The following CYSTM1 variants were observed in gnomAD, a reference collection of about 807,000 sequenced individuals.
The protein encoded by CYSTM1 is cysteine rich transmembrane module containing 1.
CYSTM1 carries 4 observed loss-of-function variants against 13.1 expected under a neutral mutation model. The ratio of observed to expected loss-of-function variants is 0.31; its 90% CI spans 0.15 to 0.70. The LOEUF is 0.70. CYSTM1 is among the 30% of genes least tolerant of loss of function. The pLI, the probability that CYSTM1 is intolerant of heterozygous loss-of-function variation, is 0.72. For synonymous variants in CYSTM1, 36 were observed against 42.7 expected, an observed-to-expected ratio of 0.84 and a Z score of 0.62; for missense variants, 96 against 121.6, an observed-to-expected ratio of 0.79 and a Z score of 0.99.
chr5:140,232,187 T>C lies in CYSTM1; in HGVS notation c.188-11118T>C, dbSNP rs564511074. On this transcript the variant is annotated intron_variant, in intron 2 of 2. Transcript: ENST00000261811. The stretch of plus-strand genomic sequence containing the variant: ...TGGGAACAAGAGAAAGGAATCATGA[T>C]TGGTTGAGAGAGAGAACAAACTGAG... Among the ~76,000 whole-genome samples the C allele has an allele frequency of 4.6e-5, 7 of 152,250 alleles. No individual in the cohort carries two copies. The East Asian group carries it at 1.4e-3, about 29-fold the overall frequency.
At chr5:140,179,000 G>A (rs577569172) in intron 1 of CYSTM1, among the ~76,000 whole-genome samples, 182 of 151,996 alleles carry the variant, frequency 1.2e-3, no homozygotes, top group African/African-American at 4.2e-3. Flanking sequence ...GGCCCGGTGC[G>A]GTAATCCTAG....
intron 2 of CYSTM1, among the ~76,000 whole-genome samples, chr5:140,209,868 T>C (rs1270138589): frequency 6.6e-6 from 1 of 151,636 alleles, no homozygotes; most frequent in Non-Finnish European, 1.5e-5. Context: ...CTGTTTGCAC[T>C]TTTTTTTTCC....
rs187396095 is a variant in CYSTM1, at chr5:140,227,731, C to T, written c.188-15574C>T. Among the ~76,000 whole-genome samples, 168 of 152,248 alleles carry T rather than the reference C, an allele frequency of 1.1e-3. 2 individuals carry two copies. In the East Asian group the frequency reaches 0.029, roughly 27 times the overall value. On this transcript the variant is annotated intron_variant, in intron 2 of 2. Transcript: ENST00000261811. ...ACTATCTTAGAGCAGTTGAAATAGA[C>T]GCTTGAAGAGATCCAAGGCATTCTA... is the stretch of plus-strand genomic sequence containing the variant.
chr5:140,220,942 C>G (rs993251637), intron 2 of CYSTM1, among the ~76,000 whole-genome samples: 4 of 152,152 alleles, frequency 2.6e-5, no homozygotes, highest in African/African-American at 9.7e-5. Flanking sequence ...CCTGAGCCAC[C>G]AACGTACAGA....
chr5:140,212,074 C>T (rs1764374232), intron 2 of CYSTM1, among the ~76,000 whole-genome samples: 1 of 152,092 alleles, frequency 6.6e-6, no homozygotes, highest in South Asian at 2.1e-4. Flanking sequence ...TATAGCAGTC[C>T]TAGTGATATC....
At chr5:140,240,929 G>A (rs1221205794) in intron 2 of CYSTM1, among the ~76,000 whole-genome samples, 1 of 152,172 alleles carries the variant, frequency 6.6e-6, no homozygotes, top group Non-Finnish European at 1.5e-5. Flanking sequence ...AAGGTGAAAA[G>A]GTCCTAAGGC....
At position 140,194,554 on chromosome 5, in the gene CYSTM1, C is replaced by A; in HGVS notation, c.89C>A (p.Pro30His). Reference sequence around the variant, plus strand: ...CCACCACAACCAATGGGTCCAGGACCTATGGGGGGACCCTACCCACCTCCT... The same window carrying A: ...CCACCACAACCAATGGGTCCAGGACATATGGGGGGACCCTACCCACCTCCT... ...PYPPQPMGPGPMGGPYPPPQG... is the reference protein window; with the variant it reads ...PYPPQPMGPGHMGGPYPPPQG... Residue 30 changes from proline to histidine, a missense_variant, in exon 2 of 3, where the codon CCT (proline) becomes CAT (histidine). Transcript: ENST00000261811. 6.2e-7 allele frequency: 1 copy of A among 1,613,852 alleles called. No homozygotes were observed. The highest frequency in any genetic ancestry group is 8.5e-7 in the Non-Finnish European group (1 of 1,179,850).
chr5:140,205,391 T>C (rs1309619587), intron 2 of CYSTM1, among the ~76,000 whole-genome samples: 1 of 152,244 alleles, frequency 6.6e-6, no homozygotes, highest in Non-Finnish European at 1.5e-5. Context: ...AGTATGGAAT[T>C]ACTGCCTGGC....
At chr5:140,236,810 T>C (rs1764686133) in intron 2 of CYSTM1, among the ~76,000 whole-genome samples, 1 of 152,238 alleles carries the variant, frequency 6.6e-6, no homozygotes, top group Non-Finnish European at 1.5e-5. Context: ...AAGTGGGCCC[T>C]GGTTTTAACC....
At chr5:140,238,696 C>T (rs370362295) in intron 2 of CYSTM1, among the ~76,000 whole-genome samples, 1 of 152,218 alleles carries the variant, frequency 6.6e-6, no homozygotes, top group African/African-American at 2.4e-5. Flanking sequence ...GCTGTCTTGA[C>T]GTTTTTACTT....
chr5:140,227,228 T>C (rs1764568457), intron 2 of CYSTM1, among the ~76,000 whole-genome samples: 1 of 152,074 alleles, frequency 6.6e-6, no homozygotes, highest in African/African-American at 2.4e-5. Context: ...TGGGGTTGAT[T>C]TGGTAAATTC....
chr5:140,177,621 A>G (rs1182168206), intron 1 of CYSTM1, among the ~76,000 whole-genome samples: 2 of 152,194 alleles, frequency 1.3e-5, no homozygotes, highest in Non-Finnish European at 1.5e-5. Flanking sequence ...GACCTGGGGA[A>G]ACGGGACTTC....
At chr5:140,199,791 C>G (rs571569572) in intron 2 of CYSTM1, among the ~76,000 whole-genome samples, 8 of 152,284 alleles carry the variant, frequency 5.3e-5, no homozygotes, top group Admixed American at 4.6e-4. Context: ...CCAGCCGTTT[C>G]CTGACTTTTT....
Position 140,243,299 on chromosome 5 carries a change from C to A in CYSTM1, c.188-6C>A, listed in dbSNP as rs1358473981. 3 of 1,613,138 alleles carry A rather than the reference C, an allele frequency of 1.9e-6. No individual in the cohort carries two copies. In the Admixed American group the frequency reaches 5.0e-5, roughly 27 times the overall value. ...ATTCTCACCCTCTTCCCTCTTCTCC[C>A]TCCAGTGTATGTGGTAGAAGACCAA... is the stretch of plus-strand genomic sequence containing the variant. On this transcript the variant is annotated splice_region_variant and splice_polypyrimidine_tract_variant and intron_variant, in intron 2 of 2. Coordinates refer to ENST00000261811, the MANE Select transcript of CYSTM1 (RefSeq NM_032412.4).
At position 140,230,152 on chromosome 5, in the gene CYSTM1, G is replaced by GT. The variant is rs1203494140; in HGVS notation, c.188-13152dup. ...CTCCCAAAGTGCTGGGATTACAGGCGTAAGCCACCGCGCACCTGGCCCTGA... is the reference window on the plus strand; with the variant it reads ...CTCCCAAAGTGCTGGGATTACAGGCGTTAAGCCACCGCGCACCTGGCCCTGA... On this transcript the variant is annotated intron_variant, in intron 2 of 2. Coordinates refer to ENST00000261811, the MANE Select transcript of CYSTM1 (RefSeq NM_032412.4). This position sits in a 1 kb window ranked among gnomAD's most constrained non-coding sequence, Gnocchi z 4.1. Among the ~76,000 whole-genome samples the GT allele has an allele frequency of 1.3e-5, 2 of 152,222 alleles. No homozygotes were observed. Among genetic ancestry groups the GT allele is most frequent in the Non-Finnish European group, 2.9e-5 (2 of 68,044 alleles).
rs150309070 is a variant in CYSTM1, at chr5:140,196,587, A to G, written c.187+1935A>G. 9.0e-3 allele frequency among the ~76,000 whole-genome samples: 1,368 copies of G among 152,340 alleles called. 22 individuals are homozygous for G. Among genetic ancestry groups the G allele is most frequent in the African/African-American group, 0.032 (1,320 of 41,574 alleles). ...ATCCAAGATTGTGTTCTGTTGTAACAGTTTTTATCATGCATGCTCGGAAGA... is the reference window on the plus strand; with the variant it reads ...ATCCAAGATTGTGTTCTGTTGTAACGGTTTTTATCATGCATGCTCGGAAGA... On this transcript the variant is annotated intron_variant, in intron 2 of 2. Transcript: ENST00000261811.
At position 140,239,904 on chromosome 5, in the gene CYSTM1, T is replaced by C. The variant is rs570860130; in HGVS notation, c.188-3401T>C. 4.5e-4 allele frequency among the ~76,000 whole-genome samples: 68 copies of C among 152,210 alleles called. No homozygotes were observed. The highest frequency in any genetic ancestry group is 1.2e-3 in the South Asian group (6 of 4,822). On this transcript the variant is annotated intron_variant, in intron 2 of 2. Transcript: ENST00000261811. This position sits in a 1 kb window ranked among gnomAD's most constrained non-coding sequence, Gnocchi z 5.4. ...ATAGTCCCTTCTTCTCTGGGGCCGG[T>C]TGAATAGGGTGGTCTGAGACACTAG...
At chr5:140,194,365 A>G in intron 1 of CYSTM1, 81 bp from the exon 2 acceptor site, 2 of 1,339,416 alleles carry the variant, frequency 1.5e-6, no homozygotes, top group Non-Finnish European at 2.0e-6. Flanking sequence ...GTATTTTGTA[A>G]ATGATCTTAT....
chr5:140,222,296 A>G (rs983294105), intron 2 of CYSTM1, among the ~76,000 whole-genome samples: 5 of 152,228 alleles, frequency 3.3e-5, no homozygotes, highest in African/African-American at 1.2e-4. Context: ...GAATTATTGG[A>G]ATTACATATG....
Sources: allele counts gnomAD v4.1 joint callset (sites outside exome capture counted in the v4.1 genomes callset), GRCh38; gene constraint gnomAD v4.1.1; non-coding constraint Gnocchi (gnomAD v3.1); transcripts MANE v1.5; gene names NCBI Gene and HGNC (gene_info 2026-07-23, HGNC 2026-07-21).